The following ZBTB45 variants were observed in gnomAD, a reference collection of about 807,000 sequenced individuals.
ZBTB45 encodes zinc finger and BTB domain-containing protein 45.
ZBTB45 carries 22 observed loss-of-function variants against 28.4 expected under a neutral mutation model. The observed-to-expected ratio is 0.77, with a 90% CI of 0.55 to 1.10. The LOEUF is 1.10. Ranked by LOEUF, ZBTB45 falls within the 50% of genes least tolerant of loss-of-function variation. The probability of loss-of-function intolerance (pLI) is 0.00; values close to 1 mark genes in which losing one functional copy is unlikely to be tolerated. For missense variants in ZBTB45, 656 were observed against 750.2 expected, an observed-to-expected ratio of 0.87 and a Z score of 1.47; for synonymous variants, 361 against 332.3, an observed-to-expected ratio of 1.09 and a Z score of -0.94.
chr19:58,518,646 C>G (rs545931745), intron 1 of ZBTB45, among the ~76,000 whole-genome samples: 169 of 152,246 alleles, frequency 1.1e-3, no homozygotes, highest in African/African-American at 3.9e-3. Context: ...ACTCTGGAAT[C>G]TGAGGAGTTC....
At position 58,517,061 on chromosome 19, in the gene ZBTB45, C is replaced by A; in HGVS notation, c.613G>T (p.Asp205Tyr). The A allele has an allele frequency of 6.2e-7, 1 of 1,613,192 alleles. No homozygotes were observed. The highest frequency in any genetic ancestry group is 1.1e-5 in the South Asian group (1 of 91,084). The change falls in exon 2 of 3, where the codon GAC (aspartate) becomes TAC (tyrosine). Residue 205 changes from aspartate (D) to tyrosine (Y), a missense_variant. By Grantham distance (160) the Asp-to-Tyr change is radical. Transcript: ENST00000594051. The part of the protein sequence containing the change: ...ADPSLSAAPD[D>Y]RGDEDDEESD... ...TCCTCGTCATCCTCGTCACCTCGGT[C>A]ATCAGGGGCCGCGGACAGTGAGGGG... is the stretch of plus-strand genomic sequence containing the variant.
chr19:58,515,704 C>T lies in ZBTB45; in HGVS notation c.1279+691G>A, dbSNP rs1265272113. On this transcript the variant is annotated intron_variant, in intron 2 of 2. Transcript: ENST00000594051. The surrounding 1 kb of genome is among the most constrained non-coding windows in gnomAD (Gnocchi z 4.7). ...CAATGCTCAGCAGGCTTCTGCTTTC[C>T]ATTCCTTTGTCCTCCATCTCAGAGC... Among the ~76,000 whole-genome samples, 3 of 152,164 alleles carry T rather than the reference C, an allele frequency of 2.0e-5. No individual in the cohort carries two copies. The highest frequency in any genetic ancestry group is 4.4e-5 in the Non-Finnish European group (3 of 68,028).
chr19:58,532,867 G>A (rs759010209), intron 1 of ZBTB45, among the ~76,000 whole-genome samples: 6 of 150,060 alleles, frequency 4.0e-5, no homozygotes, highest in East Asian at 2.0e-4. Context: ...AAAAAGTCTC[G>A]CTCTGTCACC....
chr19:58,514,049 C>T lies in ZBTB45; in HGVS notation c.*5G>A. 2 of 1,441,794 alleles carry T rather than the reference C, an allele frequency of 1.4e-6. No homozygotes were observed. Among genetic ancestry groups the T allele is most frequent in the South Asian group, 1.4e-5 (1 of 69,750 alleles). 89.3% of individuals were successfully genotyped at this position (1,441,794 alleles called of 1,614,324 possible). A position where few individuals can be genotyped will look rare whatever the true frequency, so the allele number is the denominator to read the frequency against. On this transcript the variant is annotated 3_prime_UTR_variant, in exon 3 of 3. Coordinates refer to ENST00000594051, the MANE Select transcript of ZBTB45 (RefSeq NM_001316979.2). ...CACCGTGGGCGAGGCCAGGCCCCAG[C>T]GCCATCAGGGCGCAGGGTGCGCCGC...
At chr19:58,521,701 T>C (rs190231277), upstream of ZBTB45, among the ~76,000 whole-genome samples, 1 of 152,338 alleles carries the variant, frequency 6.6e-6, no homozygotes, top group African/African-American at 2.4e-5. Context: ...TAAATGCCAC[T>C]ATTTGTTTCC....
At position 58,517,398 on chromosome 19, in the gene ZBTB45, G is replaced by A. The variant is rs775287061; in HGVS notation, c.276C>T (p.Leu92=). 1.3e-5 allele frequency: 21 copies of A among 1,612,864 alleles called. No individual in the cohort carries two copies. Among genetic ancestry groups the A allele is most frequent in the African/African-American group, 4.0e-5 (3 of 75,018 alleles). Reference sequence around the variant, plus strand: ...GCAGGGCTTCACCCTGCGCCACAACGAGCGAACCGCTGTACAGGAACTCTA... The same window carrying A: ...GCAGGGCTTCACCCTGCGCCACAACAAGCGAACCGCTGTACAGGAACTCTA... ...QLVEFLYSGS[L]VVAQGEALQV... The change falls in exon 2 of 3, where the codon CTC becomes CTT. Residue 92 remains leucine, a synonymous_variant. Transcript: ENST00000594051.
At position 58,514,003 on chromosome 19, in the gene ZBTB45, C is replaced by G. The variant is rs1447333104; in HGVS notation, c.*51G>C. The stretch of plus-strand genomic sequence containing the variant: ...CGGGTCCCGCAGCGGGCGTGGCCGA[C>G]TGTGCGGGAGGCCCCGGATCCACCG... On this transcript the variant is annotated 3_prime_UTR_variant, in exon 3 of 3. Coordinates refer to ENST00000594051, the MANE Select transcript of ZBTB45 (RefSeq NM_001316979.2). 1.5e-6 allele frequency: 2 copies of G among 1,353,732 alleles called. No homozygotes were observed. The highest frequency in any genetic ancestry group is 3.1e-5 in the African/African-American group (2 of 64,808). The allele number at this position is 1,353,732 out of a possible 1,614,324, so 83.9% of individuals were successfully genotyped here.
chr19:58,522,060 C>G (rs887503319), upstream of ZBTB45, among the ~76,000 whole-genome samples: 9 of 151,974 alleles, frequency 5.9e-5, no homozygotes, highest in Non-Finnish European at 1.3e-4. Context: ...CAGTGGCTCA[C>G]ACCTGTAATC....
intron 1 of ZBTB45, among the ~76,000 whole-genome samples, chr19:58,535,173 A>G (rs944457660): frequency 1.1e-4 from 16 of 151,530 alleles, no homozygotes; most frequent in African/African-American, 3.6e-4. Context: ...GCCCAGCCTT[A>G]ATTTTTGTAT....
chr19:58,534,174 T>C (rs1046305396), intron 1 of ZBTB45, among the ~76,000 whole-genome samples: 5 of 152,036 alleles, frequency 3.3e-5, no homozygotes, highest in African/African-American at 9.7e-5. Context: ...AAAAAGTCCA[T>C]AGAGACAGAA....
intron 1 of ZBTB45, among the ~76,000 whole-genome samples, chr19:58,534,618 G>T (rs369118354): frequency 6.9e-6 from 1 of 144,842 alleles, no homozygotes; most frequent in Non-Finnish European, 1.5e-5. Context: ...GTGCAGTGGC[G>T]CAATCTCGGC....
chr19:58,522,098 G>A (rs1013243304), upstream of ZBTB45, among the ~76,000 whole-genome samples: 2 of 151,816 alleles, frequency 1.3e-5, no homozygotes, highest in Middle Eastern at 6.8e-3. Flanking sequence ...CGAGGCGGGT[G>A]GATCACCTGA....
upstream of ZBTB45, among the ~76,000 whole-genome samples, chr19:58,523,709 C>T (rs2053590676): frequency 7.0e-6 from 1 of 142,198 alleles, no homozygotes; most frequent in Admixed American, 6.8e-5. Context: ...CTCACTCTGT[C>T]GCCCAGGCTG....
At chr19:58,533,666 T>G (rs965883447) in intron 1 of ZBTB45, among the ~76,000 whole-genome samples, 4 of 152,014 alleles carry the variant, frequency 2.6e-5, no homozygotes, top group African/African-American at 9.7e-5. Flanking sequence ...AGTTGAACAC[T>G]CATCTTTTGT....
In ZBTB45 at chr19:58,517,114, G is replaced by A; in HGVS notation, c.560C>T (p.Pro187Leu). ...AGCATCAGGCCCCTCAGCCTTGGCA[G>A]GTGTTGGGGGCGCTGGCAGCTGCAA... is the stretch of plus-strand genomic sequence containing the variant. ...ARLQLPAPPT[P>L]AKAEGPDADP... Residue 187 changes from proline to leucine, a missense_variant, in exon 2 of 3, where the codon CCT (proline) becomes CTT (leucine). Transcript: ENST00000594051. 6.2e-7 allele frequency: 1 copy of A among 1,612,964 alleles called. No homozygotes were observed. The highest frequency in any genetic ancestry group is 8.5e-7 in the Non-Finnish European group (1 of 1,179,878).
rs1249559815 is a variant in ZBTB45 at position 58,515,887 on chromosome 19, CTA to C, written c.1279+506_1279+507del. The stretch of plus-strand genomic sequence containing the variant: ...TGCAGCTGTGGAGTCCCCACACTAC[CTA>C]TGTTTTCCTACTCATGCCCCAGTCT... On this transcript the variant is annotated intron_variant, in intron 2 of 2. Transcript: ENST00000594051. The surrounding 1 kb of genome is among the most constrained non-coding windows in gnomAD (Gnocchi z 4.7). 1.3e-5 allele frequency among the ~76,000 whole-genome samples: 2 copies of C among 152,100 alleles called. No individual in the cohort carries two copies. Among genetic ancestry groups the C allele is most frequent in the Non-Finnish European group, 2.9e-5 (2 of 68,006 alleles).
At chr19:58,535,538 G>C (rs2053655866) in intron 1 of ZBTB45, among the ~76,000 whole-genome samples, 2 of 152,020 alleles carry the variant, frequency 1.3e-5, no homozygotes, top group African/African-American at 4.8e-5. Context: ...AGGAGGATCA[G>C]GCAGGAGAAT....
chr19:58,517,715 A>AC, intron 1 of ZBTB45, 42 bp from the exon 2 acceptor site: 1 of 1,568,784 alleles, frequency 6.4e-7, no homozygotes, highest in Non-Finnish European at 8.7e-7. Flanking sequence ...TCAACTGAGG[A>AC]CCCCCATCTG....
rs777616206 is a variant in ZBTB45, at chr19:58,517,301, C to T, written c.373G>A (p.Ala125Thr). ...GGCGCAGAGGTGCCCGGGGCTCGAGCGCGGGCGATAATCTGCGTGCATTCG... is the reference window on the plus strand; with the variant it reads ...GGCGCAGAGGTGCCCGGGGCTCGAGTGCGGGCGATAATCTGCGTGCATTCG... ...IDECTQIIAR[A>T]RAPGTSAPTP... The change falls in exon 2 of 3, where the codon GCT becomes ACT. Residue 125 changes from alanine to threonine, a missense_variant. Ala to Thr is a moderately conservative substitution (Grantham distance 58). Around this residue, in one of 3 missense-constraint regions of ZBTB45, gnomAD observed 448 missense variants for 444.3 expected, o/e 1.01. Coordinates refer to ENST00000594051, the MANE Select transcript of ZBTB45 (RefSeq NM_001316979.2). The T allele has an allele frequency of 1.1e-5, 18 of 1,603,578 alleles. No individual in the cohort carries two copies. Among genetic ancestry groups the T allele is most frequent in the Admixed American group, 1.7e-5 (1 of 59,848 alleles).
Sources: gnomAD v4.1 joint callset for allele counts (sites outside exome capture counted in the v4.1 genomes callset) on GRCh38, gnomAD v4.1.1 for gene constraint, gnomAD v4.1.1 regional missense constraint, Gnocchi (gnomAD v3.1) non-coding constraint, MANE v1.5 for transcripts, NCBI Gene and HGNC (gene_info 2026-07-23, HGNC 2026-07-21) for gene names.